Variants in ZNF254 observed in about 807,000 individuals in gnomAD.
ZNF254 encodes the protein zinc finger protein 254, also known as CTD-2017D11.1.
In ZNF254, 10 loss-of-function variants were observed where a neutral mutation model predicts 12.4. The ratio of observed to expected loss-of-function variants is 0.80; its 90% confidence interval spans 0.50 to 1.36. ZNF254 has a LOEUF of 1.36. Ranked by LOEUF, ZNF254 falls within the 40% of genes most tolerant of loss-of-function variation. The pLI is 0.00. For missense variants in ZNF254, 996 were observed against 763.9 expected, an observed-to-expected ratio of 1.30 and a Z score of -3.58; for synonymous variants, 305 against 253.4, an observed-to-expected ratio of 1.20 and a Z score of -1.93.
chr19:24,105,998 T>A lies in ZNF254; in HGVS notation c.89T>A (p.Leu30Gln). 1 of 1,600,686 alleles carries A rather than the reference T, an allele frequency of 6.2e-7. No individual in the cohort carries two copies. Among genetic ancestry groups the A allele is most frequent in the Non-Finnish European group, 8.5e-7 (1 of 1,171,914 alleles). ...IEFSLEEWQH[L>Q]DIAQQNLYRN... ...TTCTCTCTGGAGGAGTGGCAACACC[T>A]GGACATTGCACAGCAGAATTTATAT... The change falls in exon 2 of 4, where the codon CTG becomes CAG. Residue 30 changes from leucine to glutamine, a missense_variant. By Grantham distance (113) the Leu-to-Gln change is moderately radical (BLOSUM62 -2). Transcript: ENST00000357002.
intron 1 of ZNF254, among the ~76,000 whole-genome samples, chr19:24,090,844 A>G (rs899457596): frequency 6.6e-6 from 1 of 152,026 alleles, no homozygotes; most frequent in Non-Finnish European, 1.5e-5. Flanking sequence ...ATTAATATCT[A>G]ATAATATATT....
At chr19:24,122,496 A>T (rs1974548730) in intron 3 of ZNF254, among the ~76,000 whole-genome samples, 1 of 152,164 alleles carries the variant, frequency 6.6e-6, no homozygotes, top group Non-Finnish European at 1.5e-5. Context: ...AAGTGCTCAG[A>T]TTACAGGTGT....
intron 3 of ZNF254, chr19:24,107,179 C>G: frequency 1.6e-6 from 1 of 621,966 alleles, no homozygotes; most frequent in Non-Finnish European, 2.8e-6. Context: ...ATTGCTTTGA[C>G]TATTCAAAGT....
upstream of ZNF254, among the ~76,000 whole-genome samples, chr19:24,082,651 A>C (rs1049076991): frequency 1.5e-5 from 2 of 137,704 alleles, no homozygotes; most frequent in African/African-American, 5.6e-5. Context: ...TTCCATCTCA[A>C]AAAAACAAAA....
intron 3 of ZNF254, among the ~76,000 whole-genome samples, chr19:24,125,429 T>C (rs999511511): frequency 2.0e-5 from 3 of 152,016 alleles, no homozygotes; most frequent in African/African-American, 7.2e-5. Context: ...TATGATTTCT[T>C]TCAGAAAATT....
At position 24,035,868 on chromosome 19, in the gene ZNF254, G is replaced by A. The variant is rs892695156; in HGVS notation, c.-190+2247G>A. Among the ~76,000 whole-genome samples the A allele has an allele frequency of 2.0e-5, 3 of 152,032 alleles. No individual in the cohort carries two copies. In the East Asian group the frequency reaches 5.8e-4, roughly 29 times the overall value. ...GCTTCATAATATCAAAAATAGGAAGGGTGTTTCTTTGCAATAAGATGCTCT... is the reference window on the plus strand; with the variant it reads ...GCTTCATAATATCAAAAATAGGAAGAGTGTTTCTTTGCAATAAGATGCTCT... On this transcript the variant is annotated intron_variant, in intron 1 of 4. Transcript: ENST00000613065.
intron 2 of ZNF254, among the ~76,000 whole-genome samples, chr19:24,056,658 G>A (rs1423974376): frequency 6.6e-6 from 1 of 152,090 alleles, no homozygotes; most frequent in Non-Finnish European, 1.5e-5. Context: ...TTTCTACCAA[G>A]GTTTCCCCAC....
At chr19:24,105,901 G>A (rs943594725) in intron 1 of ZNF254, 39 bp from the exon 2 acceptor site, 6 of 1,565,086 alleles carry the variant, frequency 3.8e-6, no homozygotes, top group Non-Finnish European at 5.2e-6. Context: ...TCTGCCGATA[G>A]CCACTTTGTA....
intron 3 of ZNF254, among the ~76,000 whole-genome samples, chr19:24,107,579 G>A (rs951930890): frequency 6.6e-6 from 1 of 151,722 alleles, no homozygotes; most frequent in Admixed American, 6.6e-5. Flanking sequence ...AGGTTTTAAT[G>A]TACTCTCTCT....
At chr19:24,120,861 C>T (rs1051546946) in intron 3 of ZNF254, among the ~76,000 whole-genome samples, 13 of 151,964 alleles carry the variant, frequency 8.6e-5, no homozygotes, top group Admixed American at 3.3e-4. Context: ...TTAATAGAGA[C>T]GGGGTTTCTC....
intron 1 of ZNF254, among the ~76,000 whole-genome samples, chr19:24,043,007 T>TAAAA (rs1183122669): frequency 7.9e-5 from 12 of 152,326 alleles, no homozygotes; most frequent in Non-Finnish European, 1.5e-5. Flanking sequence ...TTTTTCTTTT[T>TAAAA]AGGTTTTTTT....
chr19:24,095,398 T>C (rs139743751), intron 1 of ZNF254, among the ~76,000 whole-genome samples: 19 of 152,350 alleles, frequency 1.2e-4, no homozygotes, highest in African/African-American at 4.6e-4. Flanking sequence ...GCTGTTCTTA[T>C]ATAATGAGTT....
chr19:24,119,976 A>G (rs943415476), intron 3 of ZNF254, among the ~76,000 whole-genome samples: 1 of 151,976 alleles, frequency 6.6e-6, no homozygotes, highest in African/African-American at 2.4e-5. Flanking sequence ...TATCTTCATA[A>G]TCCTCTTGTA....
At chr19:24,078,537 C>T (rs1017523538) in intron 2 of ZNF254, 1 of 152,116 alleles carries the variant, frequency 6.6e-6, no homozygotes, top group Admixed American at 6.6e-5. Context: ...TTAAATCTGT[C>T]CTCCTCTTGG....
chr19:24,076,008 C>G (rs972665154), intron 2 of ZNF254, among the ~76,000 whole-genome samples: 1 of 152,200 alleles, frequency 6.6e-6, no homozygotes, highest in African/African-American at 2.4e-5. Context: ...CTCCCTTGTT[C>G]CCTGAAAATC....
chr19:24,056,897 A>G lies in ZNF254; in HGVS notation c.-94+10618A>G, dbSNP rs549695111. On this transcript the variant is annotated intron_variant, in intron 2 of 4. Coordinates refer to the ZNF254 transcript ENST00000613065. The stretch of plus-strand genomic sequence containing the variant: ...CTTCTCTCAGAGAAGTTTGTGACAT[A>G]TCCCTGGCCTATTACCCAGATGATA... Among the ~76,000 whole-genome samples, 5 of 152,286 alleles carry G rather than the reference A, an allele frequency of 3.3e-5. No individual in the cohort carries two copies. In the South Asian group the frequency reaches 8.3e-4, roughly 25 times the overall value.
At chr19:24,121,741 A>G (rs1314689086) in intron 3 of ZNF254, among the ~76,000 whole-genome samples, 1 of 152,030 alleles carries the variant, frequency 6.6e-6, no homozygotes, top group African/African-American at 2.4e-5. Context: ...TATTTTTAGT[A>G]GAGACAGAGT....
chr19:24,061,029 C>T (rs1367437012), intron 2 of ZNF254, among the ~76,000 whole-genome samples: 1 of 152,136 alleles, frequency 6.6e-6, no homozygotes, highest in Non-Finnish European at 1.5e-5. Context: ...TAATGTGATT[C>T]TTCTCCACTG....
rs755855910 is a variant in ZNF254 at position 24,126,414 on chromosome 19, T to G, written c.414T>G (p.Gly138=). 6 of 1,604,216 alleles carry G rather than the reference T, an allele frequency of 3.7e-6. No homozygotes were observed. Among genetic ancestry groups the G allele is most frequent in the Admixed American group, 3.5e-5 (2 of 57,398 alleles). ...SVDEYKVNKE[G]YNGLNQCFTT... ...ATGAGTATAAGGTGAACAAAGAAGGTTATAATGGACTTAACCAGTGTTTCA... is the reference window on the plus strand; with the variant it reads ...ATGAGTATAAGGTGAACAAAGAAGGGTATAATGGACTTAACCAGTGTTTCA... The change falls in exon 4 of 4, where the codon GGT becomes GGG. Residue 138 remains glycine (G), a synonymous_variant. Transcript: ENST00000357002.
Sources: allele counts gnomAD v4.1 joint callset (sites outside exome capture counted in the v4.1 genomes callset), GRCh38; gene constraint gnomAD v4.1.1; transcripts MANE v1.5; gene names NCBI Gene and HGNC (gene_info 2026-07-23, HGNC 2026-07-21).